Variants in AKT3 observed in about 807,000 individuals in gnomAD.
The protein encoded by AKT3 is AKT serine/threonine kinase 3.
AKT3 carries 15 observed loss-of-function variants against 65.3 expected under a neutral mutation model. The observed-to-expected ratio is 0.23, with a 90% CI of 0.15 to 0.35. AKT3 has a LOEUF of 0.35. AKT3 is among the 10% of genes least tolerant of loss of function. The pLI, the probability that AKT3 is intolerant of heterozygous loss-of-function variation, is 1.00. For missense variants in AKT3, 243 were observed against 576.5 expected (o/e 0.42, Z 5.92); for synonymous variants, 206 against 183.8 (o/e 1.12, Z -0.98).
At chr1:243,695,867 A>T (rs970666852) in intron 2 of AKT3, 151 bp from the exon 3 acceptor site, 3 of 528,298 alleles carry the variant, frequency 5.7e-6, no homozygotes. Flanking sequence ...ACAAAAGAAA[A>T]TACATAAGCC....
chr1:243,609,743 C>T (rs533402139), intron 8 of AKT3, among the ~76,000 whole-genome samples: 6 of 152,194 alleles, frequency 3.9e-5, no homozygotes, highest in South Asian at 2.1e-4. Flanking sequence ...CAAAGATATG[C>T]TGAACAAGAA....
chr1:243,658,563 T>C (rs1682001129), intron 4 of AKT3, among the ~76,000 whole-genome samples: 1 of 152,128 alleles, frequency 6.6e-6, no homozygotes, highest in South Asian at 2.1e-4. Context: ...AGTATGAAGA[T>C]TCTTCAAAAA....
At chr1:243,557,258 A>C (rs1268752979) in intron 10 of AKT3, among the ~76,000 whole-genome samples, 1 of 152,116 alleles carries the variant, frequency 6.6e-6, no homozygotes, top group Non-Finnish European at 1.5e-5. Flanking sequence ...TAACCCAAGT[A>C]ACAATAGCCA....
At chr1:243,548,294 A>G (rs900197273) in intron 11 of AKT3, 4 of 152,230 alleles carry the variant, frequency 2.6e-5, no homozygotes, top group Non-Finnish European at 4.4e-5. Flanking sequence ...GGAGTGGAGA[A>G]TCATAATCAT....
At chr1:243,684,637 T>C (rs563015914) in intron 3 of AKT3, among the ~76,000 whole-genome samples, 1 of 152,316 alleles carries the variant, frequency 6.6e-6, no homozygotes, top group Admixed American at 6.5e-5. Flanking sequence ...TGTGTCTTTA[T>C]AGCAAAATGA....
chr1:243,722,582 T>C (rs554751933), intron 2 of AKT3, among the ~76,000 whole-genome samples: 16 of 152,146 alleles, frequency 1.1e-4, no homozygotes, highest in African/African-American at 3.9e-4. Context: ...ACATAAAAAG[T>C]CAACAACTTC....
chr1:243,525,652 T>C (rs1253095757), intron 12 of AKT3, among the ~76,000 whole-genome samples: 1 of 145,040 alleles, frequency 6.9e-6, no homozygotes, highest in Admixed American at 7.1e-5. Context: ...TTGGAGATTA[T>C]GTAAGAGTCA....
At chr1:243,556,686 C>G (rs1006369046) in intron 10 of AKT3, among the ~76,000 whole-genome samples, 5 of 152,080 alleles carry the variant, frequency 3.3e-5, no homozygotes, top group African/African-American at 1.2e-4. Flanking sequence ...AAAGTTTTTT[C>G]TGGTAGCCTT....
intron 3 of AKT3, among the ~76,000 whole-genome samples, chr1:243,691,179 G>A (rs547297081): frequency 6.6e-6 from 1 of 152,166 alleles, no homozygotes. Flanking sequence ...CAATCGAAGG[G>A]AACAGCATAA....
At chr1:243,511,620 T>A (rs1159654358) in intron 13 of AKT3, among the ~76,000 whole-genome samples, 1 of 152,222 alleles carries the variant, frequency 6.6e-6, no homozygotes, top group South Asian at 2.1e-4. Flanking sequence ...CGCAATCTTA[T>A]CCACATTCTT....
chr1:243,812,705 A>G (rs920561279), intron 2 of AKT3, among the ~76,000 whole-genome samples: 2 of 152,194 alleles, frequency 1.3e-5, no homozygotes, highest in African/African-American at 4.8e-5. Context: ...ATGCTGCTAT[A>G]AAGACACATG....
intron 4 of AKT3, among the ~76,000 whole-genome samples, chr1:243,652,625 C>T (rs758361338): frequency 2.1e-4 from 32 of 151,882 alleles, no homozygotes; most frequent in Admixed American, 4.6e-4. Context: ...GGGCTAAATG[C>T]CCCAATGACA....
intron 2 of AKT3, among the ~76,000 whole-genome samples, chr1:243,767,179 G>A (rs1409942624): frequency 6.6e-6 from 1 of 152,104 alleles, no homozygotes; most frequent in Non-Finnish European, 1.5e-5. Flanking sequence ...TCAAAAGAAA[G>A]TATGTCAGTA....
At chr1:243,532,964 CCTTT>C (rs1257048454) in intron 12 of AKT3, among the ~76,000 whole-genome samples, 2 of 152,096 alleles carry the variant, frequency 1.3e-5, no homozygotes, top group African/African-American at 2.4e-5. Flanking sequence ...ATCTTATAAC[CCTTT>C]CTATTTCTCT....
intron 4 of AKT3, among the ~76,000 whole-genome samples, chr1:243,646,327 T>C (rs796362686): frequency 1.4e-4 from 22 of 152,124 alleles, no homozygotes; most frequent in African/African-American, 5.3e-4. Context: ...CATGAAAAGT[T>C]AAATTTTATT....
chr1:243,558,274 G>A (rs4658577), intron 10 of AKT3, among the ~76,000 whole-genome samples: 144,644 of 152,108 alleles, frequency 0.95, 69,215 homozygotes, highest in East Asian at 1. Context: ...TATATCTTTG[G>A]TTTTTAATTT....
intron 12 of AKT3, among the ~76,000 whole-genome samples, chr1:243,543,411 T>C (rs551736730): frequency 1.3e-5 from 2 of 151,966 alleles, no homozygotes; most frequent in Non-Finnish European, 2.9e-5. Context: ...CAGGGCCACA[T>C]TGGTACCTCA....
At chr1:243,562,359 T>C (rs553948204) in intron 10 of AKT3, among the ~76,000 whole-genome samples, 1 of 152,260 alleles carries the variant, frequency 6.6e-6, no homozygotes, top group East Asian at 1.9e-4. Flanking sequence ...GGTTTCTTGC[T>C]GGAGTGATGA....
chr1:243,582,467 A>G (rs937159600), intron 8 of AKT3, among the ~76,000 whole-genome samples: 2 of 151,268 alleles, frequency 1.3e-5, no homozygotes, highest in Non-Finnish European at 1.5e-5. Flanking sequence ...AAAAAAAAAA[A>G]AAAAGAAATT....
Sources: gnomAD v4.1 joint callset for allele counts (sites outside exome capture counted in the v4.1 genomes callset) on GRCh38, gnomAD v4.1.1 for gene constraint, MANE v1.5 for transcripts, NCBI Gene and HGNC (gene_info 2026-07-23, HGNC 2026-07-21) for gene names.